SVOPL: variants seen among roughly 807,000 people sequenced by gnomAD.
SVOPL encodes putative transporter SVOPL.
SVOPL carries 60 observed loss-of-function variants against 61.0 expected under a neutral mutation model. The ratio of observed to expected loss-of-function variants is 0.98; its 90% CI spans 0.80 to 1.22. The LOEUF (loss-of-function observed/expected upper bound fraction) is 1.22. Ranked by LOEUF, SVOPL falls within the 50% of genes most tolerant of loss-of-function variation. SVOPL has a pLI of 0.00. For synonymous variants in SVOPL, 279 were observed against 250.0 expected (o/e 1.12, Z -1.09); for missense variants, 662 against 643.9 (o/e 1.03, Z -0.30).
intron 1 of SVOPL, chr7:138,689,445 A>AT: frequency 1.8e-6 from 2 of 1,130,644 alleles, no homozygotes; most frequent in Non-Finnish European, 2.6e-6. Context: ...AAAGGAACAG[A>AT]TTGTTCCTAA....
chr7:138,675,916 G>A (rs112043261), intron 3 of SVOPL, among the ~76,000 whole-genome samples: 6,046 of 152,216 alleles, frequency 0.04, 297 homozygotes, highest in African/African-American at 0.11. Flanking sequence ...TAAGCCCACT[G>A]CAACCTCTGC....
chr7:138,624,536 A>G (rs1302025964), intron 13 of SVOPL, among the ~76,000 whole-genome samples: 1 of 152,116 alleles, frequency 6.6e-6, no homozygotes, highest in Non-Finnish European at 1.5e-5. Context: ...AATACATTTA[A>G]CCCCAGACAT....
At chr7:138,610,649 C>A (rs1798958516) in intron 14 of SVOPL, among the ~76,000 whole-genome samples, 1 of 152,178 alleles carries the variant, frequency 6.6e-6, no homozygotes, top group African/African-American at 2.4e-5. Flanking sequence ...CGAACCCTAG[C>A]CCAGCTCCTA....
chr7:138,692,890 A>C (rs1370833901), intron 1 of SVOPL, among the ~76,000 whole-genome samples: 1 of 152,200 alleles, frequency 6.6e-6, no homozygotes, highest in Non-Finnish European at 1.5e-5. Flanking sequence ...ATTACATATA[A>C]CAAAGGTGAG....
At chr7:138,677,913 C>T (rs376239644) in intron 3 of SVOPL, among the ~76,000 whole-genome samples, 2 of 152,158 alleles carry the variant, frequency 1.3e-5, no homozygotes, top group African/African-American at 2.4e-5. Flanking sequence ...CAGGCACCAG[C>T]CACCAAGCCC....
intron 9 of SVOPL, among the ~76,000 whole-genome samples, chr7:138,630,658 A>G (rs1800135692): frequency 6.6e-6 from 1 of 152,110 alleles, no homozygotes; most frequent in African/African-American, 2.4e-5. Flanking sequence ...ACAAGTAAGA[A>G]TGGGCTGGGT....
At chr7:138,676,127 T>A (rs111696931) in intron 3 of SVOPL, among the ~76,000 whole-genome samples, 1 of 152,164 alleles carries the variant, frequency 6.6e-6, no homozygotes, top group Non-Finnish European at 1.5e-5. Context: ...TGAGCCACAG[T>A]GCCTGGTCTG....
chr7:138,636,741 G>A (rs1054703424), intron 9 of SVOPL, among the ~76,000 whole-genome samples: 1 of 152,038 alleles, frequency 6.6e-6, no homozygotes, highest in African/African-American at 2.4e-5. Flanking sequence ...AAAGTACTGG[G>A]ATTACAGATG....
intron 1 of SVOPL, among the ~76,000 whole-genome samples, chr7:138,691,752 G>A (rs994768144): frequency 6.6e-6 from 1 of 152,138 alleles, no homozygotes; most frequent in Non-Finnish European, 1.5e-5. Context: ...CGTTGGCCAG[G>A]CTGATCTCGA....
chr7:138,693,997 A>T (rs1803012009), intron 1 of SVOPL, among the ~76,000 whole-genome samples: 1 of 152,180 alleles, frequency 6.6e-6, no homozygotes, highest in African/African-American at 2.4e-5. Flanking sequence ...CCTTCACATT[A>T]AAGGGAGTTA....
chr7:138,662,602 A>G, intron 5 of SVOPL: 1 of 987,672 alleles, frequency 1.0e-6, no homozygotes, highest in Non-Finnish European at 1.2e-6. Context: ...GGCCTTTTCC[A>G]TTCCCCTTAT....
chr7:138,672,177 T>TA, intron 3 of SVOPL, 60 bp from the exon 4 acceptor site: 1 of 1,470,030 alleles, frequency 6.8e-7, no homozygotes, highest in South Asian at 1.2e-5. Context: ...CTTCTTCTCA[T>TA]ATCTGCCTGC....
intron 14 of SVOPL, among the ~76,000 whole-genome samples, chr7:138,611,844 A>C (rs1428527564): frequency 7.1e-5 from 5 of 70,240 alleles, no homozygotes; most frequent in Non-Finnish European, 8.7e-5. Flanking sequence ...TTGGCCTCCC[A>C]AAGTGCCGAG....
At chr7:138,658,770 T>C (rs540396055) in intron 6 of SVOPL, among the ~76,000 whole-genome samples, 21 of 152,254 alleles carry the variant, frequency 1.4e-4, no homozygotes, top group African/African-American at 5.1e-4. Flanking sequence ...TAAGCAGCTA[T>C]CACTAAAAAC....
intron 14 of SVOPL, among the ~76,000 whole-genome samples, chr7:138,599,659 A>AG (rs1396114491): frequency 6.6e-6 from 1 of 152,186 alleles, no homozygotes; most frequent in Non-Finnish European, 1.5e-5. Context: ...AGGCCAAGGC[A>AG]GGTGGATCAC....
Position 138,701,310 on chromosome 7 carries a change from G to A in SVOPL, c.-167C>T, listed in dbSNP as rs1803191600. 6.6e-6 allele frequency: 1 copy of A among 152,144 alleles called. No homozygotes were observed. The highest frequency in any genetic ancestry group is 2.1e-4 in the South Asian group (1 of 4,826). 9.4% of individuals were successfully genotyped at this position (152,144 alleles called of 1,614,324 possible). ...CAGACTTGTGTTCCCAAGACGCCTG[G>A]CTCCCTGGTCTTATCCTCTCCTTTC... On this transcript the variant is annotated 5_prime_UTR_variant, in exon 1 of 16. Transcript: ENST00000674285.
intron 1 of SVOPL, among the ~76,000 whole-genome samples, chr7:138,699,236 G>A (rs889054805): frequency 9.9e-5 from 15 of 152,016 alleles, no homozygotes; most frequent in East Asian, 7.7e-4. Flanking sequence ...CCTGGGAGGC[G>A]GAGGTTACAG....
chr7:138,680,091 A>G (rs1460093835), intron 1 of SVOPL, among the ~76,000 whole-genome samples: 1 of 152,126 alleles, frequency 6.6e-6, no homozygotes, highest in Non-Finnish European at 1.5e-5. Flanking sequence ...GCTTTGATAC[A>G]GAAAAACAAT....
At chr7:138,694,756 G>T (rs1361987049) in intron 1 of SVOPL, among the ~76,000 whole-genome samples, 1 of 151,944 alleles carries the variant, frequency 6.6e-6, no homozygotes, top group East Asian at 1.9e-4. Context: ...TTGTTTGTTT[G>T]TTTTGAGACA....
Sources: gnomAD v4.1 joint callset for allele counts (sites outside exome capture counted in the v4.1 genomes callset) on GRCh38, gnomAD v4.1.1 for gene constraint, MANE v1.5 for transcripts, NCBI Gene and HGNC (gene_info 2026-07-23, HGNC 2026-07-21) for gene names.